The following ZNF597 variants were observed in gnomAD, a reference collection of about 807,000 sequenced individuals.
ZNF597 encodes zinc finger protein 597.
In ZNF597, 5 loss-of-function variants were observed where a neutral mutation model predicts 7.3. That is an observed-to-expected ratio of 0.68 (90% CI 0.36 to 1.44). The LOEUF is 1.44. Ranked by LOEUF, ZNF597 falls within the 40% of genes most tolerant of loss-of-function variation. The pLI is 0.04. For missense variants in ZNF597, 585 were observed against 517.9 expected, an observed-to-expected ratio of 1.13 and a Z score of -1.26; for synonymous variants, 209 against 185.4, an observed-to-expected ratio of 1.13 and a Z score of -1.04.
At chr16:3,442,430 C>T (rs923767491) in intron 2 of ZNF597, among the ~76,000 whole-genome samples, 3 of 152,118 alleles carry the variant, frequency 2.0e-5, no homozygotes, top group African/African-American at 7.2e-5. Context: ...AATTCCAGCA[C>T]TTTGGGAGAC....
At chr16:3,441,882 G>C (rs747954490) in intron 2 of ZNF597, among the ~76,000 whole-genome samples, 8 of 151,154 alleles carry the variant, frequency 5.3e-5, no homozygotes, top group Non-Finnish European at 1.0e-4. Context: ...TGGGAGGCTG[G>C]GCCAGGAGAA....
At chr16:3,441,791 A>C (rs1365433223) in intron 2 of ZNF597, among the ~76,000 whole-genome samples, 1 of 151,520 alleles carries the variant, frequency 6.6e-6, no homozygotes, top group Admixed American at 6.6e-5. Flanking sequence ...CAACAACAAA[A>C]AAAACTCTGT....
chr16:3,438,533 A>C (rs1040778959), intron 3 of ZNF597, among the ~76,000 whole-genome samples: 2 of 152,084 alleles, frequency 1.3e-5, no homozygotes, highest in Non-Finnish European at 2.9e-5. Flanking sequence ...ACTGCACTCC[A>C]GCCTGGGCGA....
chr16:3,441,557 A>G (rs1186193161), intron 2 of ZNF597, among the ~76,000 whole-genome samples: 1 of 152,096 alleles, frequency 6.6e-6, no homozygotes, highest in Non-Finnish European at 1.5e-5. Flanking sequence ...GTGGTGGCGC[A>G]TGCCTATAAT....
rs374592756 is a variant in ZNF597, at chr16:3,443,413, G to C, written c.-107C>G. On this transcript the variant is annotated 5_prime_UTR_variant, in exon 1 of 4. Coordinates refer to ENST00000301744, the MANE Select transcript of ZNF597 (RefSeq NM_152457.3). ...CTCCCTGACAGGAGCTGCAGAAAGC[G>C]ACGCCCGACCGAGACGCGACGAAGA... 21 of 519,562 alleles carry C rather than the reference G, an allele frequency of 4.0e-5. No homozygotes were observed. In the East Asian group the frequency reaches 6.7e-4, roughly 17 times the overall value. The allele number at this position is 519,562 out of a possible 1,614,324, so 32.2% of individuals were successfully genotyped here.
At chr16:3,443,242 T>G in intron 1 of ZNF597, 36 bp from the exon 2 acceptor site, 6 of 1,348,708 alleles carry the variant, frequency 4.4e-6, no homozygotes, top group South Asian at 1.4e-5. Flanking sequence ...AAGGGACCAA[T>G]TCCGCTGCCA....
At position 3,438,023 on chromosome 16, in the gene ZNF597, TTGAGACCAGTCTGGGCAACACAG is replaced by T. The variant is rs1190725548; in HGVS notation, c.161-508_161-486del. Among the ~76,000 whole-genome samples, 4 of 152,144 alleles carry T rather than the reference TTGAGACCAGTCTGGGCAACACAG, an allele frequency of 2.6e-5. No homozygotes were observed. The East Asian group carries it at 7.7e-4, about 29-fold the overall frequency. ...GGGAGCATCACTTGAGGCTAGGAGT[TTGAGACCAGTCTGGGCAACACAG>T]TGAGACCCCATCTGTACAAAAAATA... On this transcript the variant is annotated intron_variant, in intron 3 of 3. Transcript: ENST00000301744.
chr16:3,443,210 CGG>C lies in ZNF597; in HGVS notation c.-53-6_-53-5del. The C allele has an allele frequency of 6.4e-7, 1 of 1,569,374 alleles. No individual in the cohort carries two copies. Among genetic ancestry groups the C allele is most frequent in the Non-Finnish European group, 8.7e-7 (1 of 1,149,022 alleles). On this transcript the variant is annotated splice_region_variant and splice_polypyrimidine_tract_variant and intron_variant, in intron 1 of 3. Transcript: ENST00000301744. ...CCACAGGGACTTCGTGACAAAGCTG[CGG>C]GGGGAGAGAACAGTTCTTAAAGGGA...
chr16:3,435,244 T>C lies in ZNF597; in HGVS notation c.*1180A>G, dbSNP rs1409440462. 6.6e-6 allele frequency: 1 copy of C among 152,168 alleles called. No individual in the cohort carries two copies. Among genetic ancestry groups the C allele is most frequent in the Non-Finnish European group, 1.5e-5 (1 of 68,036 alleles). 9.4% of individuals were successfully genotyped at this position (152,168 alleles called of 1,614,324 possible). A position where few individuals can be genotyped will look rare whatever the true frequency, so the allele number is the denominator to read the frequency against. On this transcript the variant is annotated 3_prime_UTR_variant, in exon 4 of 4. Transcript: ENST00000301744. The stretch of plus-strand genomic sequence containing the variant: ...TCAAACCTGAAGTCCTGGAGAGTCT[T>C]CTGCTGCTTTGTAACTGTATATGTT...
At position 3,436,476 on chromosome 16, in the gene ZNF597, G is replaced by A. The variant is rs1050729693; in HGVS notation, c.1223C>T (p.Ser408Leu). ...KCTVCGKTFK[S>L]NLHLITHKRT... ...CTTATGAGTAATGAGATGCAAATTC[G>A]ACTTGAAAGTTTTCCCACACACGGT... The change falls in exon 4 of 4, where the codon TCG becomes TTG. Residue 408 changes from serine to leucine, a missense_variant. Ser to Leu is a moderately radical substitution (Grantham distance 145). Transcript: ENST00000301744. 6.8e-6 allele frequency: 11 copies of A among 1,614,004 alleles called. No individual in the cohort carries two copies. The East Asian group carries it at 1.3e-4, about 20-fold the overall frequency.
In ZNF597 at chr16:3,437,034, C is replaced by T. The variant is rs370723255; in HGVS notation, c.665G>A (p.Arg222His). 5.3e-5 allele frequency: 86 copies of T among 1,614,020 alleles called. No individual in the cohort carries two copies. The highest frequency in any genetic ancestry group is 6.7e-5 in the Non-Finnish European group (79 of 1,180,034). Residue 222 changes from arginine to histidine, a missense_variant, in exon 4 of 4, where the codon CGC becomes CAC. Transcript: ENST00000301744. ...YKCAKCSASF[R>H]QHSHLSRHMN... Reference sequence around the variant, plus strand: ...GTGTCGGGATAGATGAGAGTGCTGGCGAAAGCTGGCACTGCACTTGGCACA... The same window carrying T: ...GTGTCGGGATAGATGAGAGTGCTGGTGAAAGCTGGCACTGCACTTGGCACA...
In ZNF597 at chr16:3,433,428, A is replaced by G. The variant is rs903421549; in HGVS notation, c.*2996T>C. The stretch of plus-strand genomic sequence containing the variant: ...AAAACGGAGAAATTTGTCTGAGTCA[A>G]TTTATTCAGCACAAAGTTTTCACTC... On this transcript the variant is annotated 3_prime_UTR_variant, in exon 4 of 4. Coordinates refer to ENST00000301744, the MANE Select transcript of ZNF597 (RefSeq NM_152457.3). The G allele has an allele frequency of 1.3e-5, 2 of 152,236 alleles. No homozygotes were observed. Among genetic ancestry groups the G allele is most frequent in the African/African-American group, 4.8e-5 (2 of 41,468 alleles). The allele number at this position is 152,236 out of a possible 1,614,324, so 9.4% of individuals were successfully genotyped here. A position where few individuals can be genotyped will look rare whatever the true frequency, so the allele number is the denominator to read the frequency against.
rs37821 is a variant in ZNF597 at position 3,434,590 on chromosome 16, T to C, written c.*1834A>G. ...GAATGACAAAGAGAGAGAAACTCTC[T>C]CTGGGTTAGGGATGTTTTTGTTAGT... On this transcript the variant is annotated 3_prime_UTR_variant, in exon 4 of 4. Coordinates refer to ENST00000301744, the MANE Select transcript of ZNF597 (RefSeq NM_152457.3). 0.28 allele frequency: 42,321 copies of C among 152,030 alleles called. 6,510 individuals carry two copies. The highest frequency in any genetic ancestry group is 0.42 in the African/African-American group (17,460 of 41,432). The allele number at this position is 152,030 out of a possible 1,614,324, so 9.4% of individuals were successfully genotyped here.
intron 2 of ZNF597, among the ~76,000 whole-genome samples, chr16:3,442,533 G>C (rs1476756842): frequency 6.6e-6 from 1 of 152,094 alleles, no homozygotes; most frequent in Admixed American, 6.6e-5. Context: ...AAATTAGCAG[G>C]GCGTGGCGGC....
Position 3,440,767 on chromosome 16 carries a change from T to C in ZNF597, c.160+40A>G, listed in dbSNP as rs771730194. 128 of 1,610,664 alleles carry C rather than the reference T, an allele frequency of 7.9e-5. 1 individual carries two copies. Among genetic ancestry groups the C allele is most frequent in the Admixed American group, 2.3e-4 (14 of 59,686 alleles). On this transcript the variant is annotated intron_variant, in intron 3 of 3. Transcript: ENST00000301744. ...AAAGCATGAAGTTCTCCTCCTAGAA[T>C]TGACAAAAGTTCCAGATGCAGGAAA...
At chr16:3,438,845 T>G (rs1349461398) in intron 3 of ZNF597, among the ~76,000 whole-genome samples, 4 of 151,642 alleles carry the variant, frequency 2.6e-5, no homozygotes, top group Middle Eastern at 6.8e-3. Flanking sequence ...AGCAAATATA[T>G]CAATACAAAA....
At chr16:3,443,064 G>A (rs377115001) in intron 2 of ZNF597, 57 bp downstream of exon 2, 54 of 1,608,770 alleles carry the variant, frequency 3.4e-5, no homozygotes, top group Admixed American at 1.8e-4. Flanking sequence ...AAAGGAGGGG[G>A]TCAGGCAGAG....
chr16:3,438,048 G>T (rs528534728), intron 3 of ZNF597, among the ~76,000 whole-genome samples: 1 of 152,112 alleles, frequency 6.6e-6, no homozygotes, highest in African/African-American at 2.4e-5. Flanking sequence ...GCAACACAGT[G>T]AGACCCCATC....
intron 3 of ZNF597, among the ~76,000 whole-genome samples, chr16:3,438,599 GA>G (rs967508737): frequency 7.1e-4 from 107 of 151,406 alleles, no homozygotes; most frequent in African/African-American, 2.1e-3. Context: ...AAAGAAAAAA[GA>G]AAAAAAAGCA....
Sources: gnomAD v4.1 joint callset for allele counts (sites outside exome capture counted in the v4.1 genomes callset) on GRCh38, gnomAD v4.1.1 for gene constraint, MANE v1.5 for transcripts, NCBI Gene and HGNC (gene_info 2026-07-23, HGNC 2026-07-21) for gene names.